FRMD4B: variants seen among roughly 807,000 people sequenced by gnomAD.
FRMD4B encodes the protein FERM domain-containing protein 4B.
A neutral mutation model predicts 141.5 loss-of-function variants in FRMD4B; 74 were observed. The observed-to-expected ratio is 0.52, with a 90% CI of 0.43 to 0.63. The LOEUF is 0.63. Ranked by LOEUF, FRMD4B falls within the 30% of genes least tolerant of loss-of-function variation. The probability of loss-of-function intolerance (pLI) is 0.00; values close to 1 mark genes in which losing one functional copy is unlikely to be tolerated. For synonymous variants in FRMD4B, 506 were observed against 467.9 expected (o/e 1.08, Z -1.05); for missense variants, 1,366 against 1,253.4 (o/e 1.09, Z -1.36).
intron 1 of FRMD4B, among the ~76,000 whole-genome samples, chr3:69,379,515 GTGAC>G (rs1704059894): frequency 6.6e-6 from 1 of 152,178 alleles, no homozygotes; most frequent in Non-Finnish European, 1.5e-5. Flanking sequence ...CTGGGCTCAA[GTGAC>G]CTGCCCGCCT....
intron 3 of FRMD4B, among the ~76,000 whole-genome samples, chr3:69,305,422 AGATAG>A (rs1412924809): frequency 6.6e-6 from 1 of 152,242 alleles, no homozygotes; most frequent in Non-Finnish European, 1.5e-5. Flanking sequence ...AAACAAAATA[AGATAG>A]GAGACTGACG....
chr3:69,282,806 T>C (rs960102733), intron 5 of FRMD4B, among the ~76,000 whole-genome samples: 2 of 151,824 alleles, frequency 1.3e-5, no homozygotes, highest in African/African-American at 4.8e-5. Flanking sequence ...CCCAGCTAAT[T>C]GTTGTATTTT....
chr3:69,249,298 G>A (rs1384244989), intron 6 of FRMD4B, 50 bp from the exon 7 acceptor site: 1 of 1,299,004 alleles, frequency 7.7e-7, no homozygotes, highest in Non-Finnish European at 1.1e-6. Flanking sequence ...TCTTTGTTAA[G>A]CTAAATGAGT....
intron 4 of FRMD4B, among the ~76,000 whole-genome samples, chr3:69,295,694 C>T (rs1160529613): frequency 6.6e-6 from 1 of 152,180 alleles, no homozygotes; most frequent in Non-Finnish European, 1.5e-5. Flanking sequence ...TAGCTCCCTA[C>T]TACAAAGAAT....
intron 4 of FRMD4B, among the ~76,000 whole-genome samples, chr3:69,297,355 T>A (rs147441620): frequency 0.012 from 1,807 of 152,166 alleles, 34 homozygotes; most frequent in African/African-American, 0.041. Context: ...TGAGTTCTTC[T>A]CAGCCCTGAG....
chr3:69,322,524 G>T (rs1274230103), intron 1 of FRMD4B, among the ~76,000 whole-genome samples: 1 of 151,628 alleles, frequency 6.6e-6, no homozygotes, highest in Admixed American at 6.6e-5. Context: ...TGCTTCACAT[G>T]TGTAGTGACT....
intron 7 of FRMD4B, among the ~76,000 whole-genome samples, chr3:69,246,235 C>T (rs1686160051): frequency 6.6e-6 from 1 of 152,128 alleles, no homozygotes; most frequent in African/African-American, 2.4e-5. Context: ...ATAGGCAGAT[C>T]AGCTGGGCCC....
chr3:69,457,776 G>A (rs777807028), intron 1 of FRMD4B, among the ~76,000 whole-genome samples: 3 of 152,140 alleles, frequency 2.0e-5, no homozygotes, highest in Non-Finnish European at 4.4e-5. Flanking sequence ...CGACCCTTGC[G>A]CCCACAATCA....
chr3:69,373,205 C>A (rs1285340258), intron 1 of FRMD4B, among the ~76,000 whole-genome samples: 1 of 152,142 alleles, frequency 6.6e-6, no homozygotes, highest in East Asian at 1.9e-4. Flanking sequence ...GCAGTTTTAC[C>A]GACCCTTTTT....
In FRMD4B at chr3:69,313,365, G is replaced by A. The variant is rs1017553990; in HGVS notation, c.228+87C>T. 3.7e-6 allele frequency: 3 copies of A among 817,538 alleles called. No homozygotes were observed. The East Asian group carries it at 8.0e-5, about 22-fold the overall frequency. The allele number at this position is 817,538 out of a possible 1,614,324, so 50.6% of individuals were successfully genotyped here. ...CTGAATACAGACTATGAGGCTCAGA[G>A]AGGGAACCAGGATGAGCTGTCCCCG... On this transcript the variant is annotated intron_variant, in intron 2 of 22. Coordinates refer to ENST00000398540, the MANE Select transcript of FRMD4B (RefSeq NM_015123.3).
At chr3:69,247,946 G>C (rs892094123) in intron 7 of FRMD4B, among the ~76,000 whole-genome samples, 1 of 152,008 alleles carries the variant, frequency 6.6e-6, no homozygotes, top group African/African-American at 2.4e-5. Flanking sequence ...ACCGTGCCCG[G>C]CCACCCAGCT....
intron 11 of FRMD4B, among the ~76,000 whole-genome samples, chr3:69,214,594 C>G (rs1232524815): frequency 1.3e-5 from 2 of 152,124 alleles, no homozygotes; most frequent in Non-Finnish European, 2.9e-5. Flanking sequence ...CACAGTGGCT[C>G]GTGCCTGTAA....
At chr3:69,209,792 G>C (rs539109468) in intron 11 of FRMD4B, among the ~76,000 whole-genome samples, 1 of 152,168 alleles carries the variant, frequency 6.6e-6, no homozygotes, top group Admixed American at 6.5e-5. Flanking sequence ...TGCTTTATTT[G>C]GCATTAATGT....
chr3:69,519,982 G>A (rs1490227507), intron 1 of FRMD4B, among the ~76,000 whole-genome samples: 2 of 128,082 alleles, frequency 1.6e-5, no homozygotes, highest in African/African-American at 3.0e-5. Context: ...TCCTTTTTGT[G>A]GCTGAGTAGT....
At chr3:69,447,011 G>C (rs559949516) in intron 1 of FRMD4B, among the ~76,000 whole-genome samples, 1 of 152,204 alleles carries the variant, frequency 6.6e-6, no homozygotes, top group African/African-American at 2.4e-5. Flanking sequence ...TAATGCTAGG[G>C]AAATTTTGCT....
rs183659296 is a variant in FRMD4B at position 69,226,743 on chromosome 3, C to T, written c.582-2053G>A. Among the ~76,000 whole-genome samples, 9 of 152,090 alleles carry T rather than the reference C, an allele frequency of 5.9e-5. No individual in the cohort carries two copies. In the East Asian group the frequency reaches 9.6e-4, roughly 16 times the overall value. On this transcript the variant is annotated intron_variant, in intron 7 of 22. Coordinates refer to ENST00000398540, the MANE Select transcript of FRMD4B (RefSeq NM_015123.3). ...ATTCAGTTAACAAAAATATGTAGAACGAGTGTCATATGATGGAACTGTTTT... is the reference window on the plus strand; with the variant it reads ...ATTCAGTTAACAAAAATATGTAGAATGAGTGTCATATGATGGAACTGTTTT...
At chr3:69,474,739 T>C (rs1705955198) in intron 1 of FRMD4B, among the ~76,000 whole-genome samples, 1 of 152,170 alleles carries the variant, frequency 6.6e-6, no homozygotes, top group African/African-American at 2.4e-5. Flanking sequence ...ACCATTTAGG[T>C]ATACTAAGCA....
chr3:69,416,959 C>G (rs560741979), intron 2 of FRMD4B, among the ~76,000 whole-genome samples: 1 of 152,246 alleles, frequency 6.6e-6, no homozygotes, highest in African/African-American at 2.4e-5. Context: ...CAGTGATGGG[C>G]ATTTGGGTTG....
intron 1 of FRMD4B, among the ~76,000 whole-genome samples, chr3:69,461,623 CAAAAAAAA>C (rs58143332): frequency 1.2e-3 from 52 of 43,466 alleles, no homozygotes; most frequent in African/African-American, 4.3e-3. Flanking sequence ...GACTCTGTCT[CAAAAAAAA>C]AAAAAAAAAA....
Sources: allele counts gnomAD v4.1 joint callset (sites outside exome capture counted in the v4.1 genomes callset), GRCh38; gene constraint gnomAD v4.1.1; transcripts MANE v1.5; gene names NCBI Gene and HGNC (gene_info 2026-07-23, HGNC 2026-07-21).